The following GEN1 variants were observed in gnomAD, a reference collection of about 807,000 sequenced individuals.
GEN1 encodes flap endonuclease GEN homolog 1.
Under a neutral mutation model 67.6 loss-of-function variants are expected in GEN1, and 64 were observed. The ratio of observed to expected loss-of-function variants is 0.95; its 90% CI spans 0.77 to 1.17. The LOEUF (loss-of-function observed/expected upper bound fraction) is 1.17. GEN1 is among the 50% of genes most tolerant of loss of function. The pLI, the probability that GEN1 is intolerant of heterozygous loss-of-function variation, is 0.00. For synonymous variants in GEN1, 371 were observed against 359.4 expected (o/e 1.03, Z -0.37); for missense variants, 1,058 against 1,048.3 (o/e 1.01, Z -0.13).
At chr2:17,754,506 C>A (rs549948791) in intron 1 of GEN1, 161 bp downstream of exon 1, 1 of 152,318 alleles carries the variant, frequency 6.6e-6, no homozygotes, top group Admixed American at 6.5e-5. Flanking sequence ...AGCCGCCAGG[C>A]CGCGACTTGG....
chr2:17,774,596 A>G lies in GEN1; in HGVS notation c.1202+195A>G, dbSNP rs145421265. The G allele has an allele frequency of 5.3e-3, 1,484 of 282,032 alleles. 5 individuals are homozygous for G. Among genetic ancestry groups the G allele is most frequent in the Non-Finnish European group, 8.2e-3 (1,205 of 146,904 alleles). 17.5% of individuals were successfully genotyped at this position (282,032 alleles called of 1,614,324 possible). A position where few individuals can be genotyped will look rare whatever the true frequency, so the allele number is the denominator to read the frequency against. Reference sequence around the variant, plus strand: ...TATCATACTTTTCTACTTCAAACACATAGTAATAATAGATTATAAAAAGAA... The same window carrying G: ...TATCATACTTTTCTACTTCAAACACGTAGTAATAATAGATTATAAAAAGAA... On this transcript the variant is annotated intron_variant, in intron 11 of 13. Coordinates refer to ENST00000381254, the MANE Select transcript of GEN1 (RefSeq NM_001130009.3).
In GEN1 at chr2:17,781,190, C is replaced by T. The variant is rs969535511; in HGVS notation, c.1978C>T (p.Leu660=). ...TGATGGGATTAGTCCTGAAGAGCAT[C>T]TACTTTCTGGCATTACTGATTTATG... The part of the protein sequence containing the change: ...DSDGISPEEH[L]LSGITDLCLQ... The change falls in exon 14 of 14, where the codon CTA becomes TTA. Residue 660 remains leucine (L), a synonymous_variant. Coordinates refer to ENST00000381254, the MANE Select transcript of GEN1 (RefSeq NM_001130009.3). 6 of 1,613,686 alleles carry T rather than the reference C, an allele frequency of 3.7e-6. No individual in the cohort carries two copies. In the African/African-American group the frequency reaches 8.0e-5, roughly 22 times the overall value.
chr2:17,773,032 A>T, intron 8 of GEN1, 64 bp from the exon 9 acceptor site: 1 of 1,051,250 alleles, frequency 9.5e-7, no homozygotes, highest in Non-Finnish European at 1.4e-6. Flanking sequence ...AGATTGGCTG[A>T]GATGATTTCA....
At chr2:17,777,632 C>T (rs978669022) in intron 11 of GEN1, among the ~76,000 whole-genome samples, 2 of 152,044 alleles carry the variant, frequency 1.3e-5, no homozygotes, top group Non-Finnish European at 2.9e-5. Context: ...CAGCAATATT[C>T]AGCTTACAAG....
chr2:17,759,690 C>T (rs577253791), intron 1 of GEN1, among the ~76,000 whole-genome samples: 8 of 152,090 alleles, frequency 5.3e-5, no homozygotes, highest in South Asian at 2.1e-4. Context: ...TTACAGCATC[C>T]TTGCATTCGC....
rs1379797712 is a variant in GEN1, at chr2:17,784,985, A to G, written c.*3046A>G. Reference sequence around the variant, plus strand: ...GTTGAGCGGCATGCAAGCGAGAATTACCGCCTGAGCTCTGCCTCCTGTCAG... The same window carrying G: ...GTTGAGCGGCATGCAAGCGAGAATTGCCGCCTGAGCTCTGCCTCCTGTCAG... On this transcript the variant is annotated 3_prime_UTR_variant, in exon 14 of 14. Coordinates refer to ENST00000381254, the MANE Select transcript of GEN1 (RefSeq NM_001130009.3). 6.6e-6 allele frequency: 1 copy of G among 152,274 alleles called. No homozygotes were observed. The highest frequency in any genetic ancestry group is 1.5e-5 in the Non-Finnish European group (1 of 68,130). 9.4% of individuals were successfully genotyped at this position (152,274 alleles called of 1,614,324 possible). A position where few individuals can be genotyped will look rare whatever the true frequency, so the allele number is the denominator to read the frequency against.
chr2:17,773,254 G>T lies in GEN1; in HGVS notation c.1026G>T (p.Leu342Phe). ...IQEFLLNKDK[L>F]VKVIRYQRPD... ...AATTCCTTTTAAACAAGGATAAATT[G>T]GTGAAGGTTATCAGGTACCAAAGAC... The change falls in exon 10 of 14, where the codon TTG becomes TTT. Residue 342 changes from leucine to phenylalanine, a missense_variant. Leu to Phe is a conservative substitution (Grantham distance 22). Coordinates refer to ENST00000381254, the MANE Select transcript of GEN1 (RefSeq NM_001130009.3). 6.2e-7 allele frequency: 1 copy of T among 1,602,122 alleles called. No individual in the cohort carries two copies. The highest frequency in any genetic ancestry group is 2.0e-4 in the Middle Eastern group (1 of 4,926).
chr2:17,757,608 C>T (rs927154334), intron 1 of GEN1, among the ~76,000 whole-genome samples: 6 of 152,092 alleles, frequency 3.9e-5, no homozygotes, highest in African/African-American at 1.4e-4. Flanking sequence ...AATATGTGCC[C>T]TGGCCAACTC....
Position 17,768,928 on chromosome 2 carries a change from C to T in GEN1, c.710+117C>T, listed in dbSNP as rs147921689. Reference sequence around the variant, plus strand: ...AAGGGTTTTGTATTTTTAAACTGACCTATATTTTGTTTGATTTAAGATAAT... The same window carrying T: ...AAGGGTTTTGTATTTTTAAACTGACTTATATTTTGTTTGATTTAAGATAAT... On this transcript the variant is annotated intron_variant, in intron 6 of 13. Transcript: ENST00000381254. 878 of 526,554 alleles carry T rather than the reference C, an allele frequency of 1.7e-3. 9 individuals carry two copies. Among genetic ancestry groups the T allele is most frequent in the African/African-American group, 0.016 (788 of 50,400 alleles). The allele number at this position is 526,554 out of a possible 1,614,324, so 32.6% of individuals were successfully genotyped here.
Position 17,781,885 on chromosome 2 carries a change from G to C in GEN1, c.2673G>C (p.Leu891Phe), listed in dbSNP as rs1315131576. The C allele has an allele frequency of 1.3e-6, 2 of 1,587,896 alleles. No homozygotes were observed. Among genetic ancestry groups the C allele is most frequent in the Non-Finnish European group, 8.5e-7 (1 of 1,172,704 alleles). ...AAGAAAACAACTCTGGTACTTGTTT[G>C]GATAGCCCTCTTCCTTTACGCCAGA... ...HKKENNSGTCLDSPLPLRQRL... is the reference protein window; with the variant it reads ...HKKENNSGTCFDSPLPLRQRL... The change falls in exon 14 of 14, where the codon TTG becomes TTC. Residue 891 changes from leucine to phenylalanine, a missense_variant. Physicochemically the swap from Leu to Phe is conservative, Grantham distance 22. Transcript: ENST00000381254.
At chr2:17,775,780 A>G (rs917858151) in intron 11 of GEN1, among the ~76,000 whole-genome samples, 4 of 152,234 alleles carry the variant, frequency 2.6e-5, no homozygotes, top group Non-Finnish European at 5.9e-5. Flanking sequence ...CTGCTTTCAT[A>G]TGCTTTCTAA....
intron 5 of GEN1, among the ~76,000 whole-genome samples, 171 bp from the exon 6 acceptor site, chr2:17,768,567 T>C (rs1430158731): frequency 6.6e-6 from 1 of 152,200 alleles, no homozygotes. Flanking sequence ...TCATATACAC[T>C]ATTGTGAAGT....
At chr2:17,775,372 T>TA (rs1672379642) in intron 11 of GEN1, among the ~76,000 whole-genome samples, 1 of 152,192 alleles carries the variant, frequency 6.6e-6, no homozygotes, top group African/African-American at 2.4e-5. Context: ...GACTCTCATA[T>TA]AAAAAATGCT....
intron 4 of GEN1, among the ~76,000 whole-genome samples, chr2:17,765,386 C>T (rs986435060): frequency 6.6e-6 from 1 of 152,208 alleles, no homozygotes; most frequent in African/African-American, 2.4e-5. Context: ...GTTTCATCCT[C>T]AGAAATACCT....
In GEN1 at chr2:17,786,698, G is replaced by C. The variant is rs1363479730; in HGVS notation, c.*4759G>C. 1 of 151,848 alleles carries C rather than the reference G, an allele frequency of 6.6e-6. No individual in the cohort carries two copies. The allele number at this position is 151,848 out of a possible 1,614,324, so 9.4% of individuals were successfully genotyped here. ...TTCTTGACTCAAATATCACCTCAGA[G>C]AGTCCTAATCTTTTTATCTCCTGAC... is the stretch of plus-strand genomic sequence containing the variant. On this transcript the variant is annotated 3_prime_UTR_variant, in exon 14 of 14. Transcript: ENST00000381254.
At chr2:17,774,695 A>T (rs1672346625) in intron 11 of GEN1, among the ~76,000 whole-genome samples, 1 of 152,288 alleles carries the variant, frequency 6.6e-6, no homozygotes, top group Non-Finnish European at 1.5e-5. Context: ...CAAACGTGTT[A>T]AGGGAATGTG....
intron 11 of GEN1, among the ~76,000 whole-genome samples, chr2:17,775,703 A>G (rs1490689334): frequency 6.6e-6 from 1 of 152,248 alleles, no homozygotes; most frequent in Non-Finnish European, 1.5e-5. Context: ...TGGTATCTTC[A>G]AAAGTGGAGA....
In GEN1 at chr2:17,787,288, TA is replaced by T; in HGVS notation, c.*5350del. On this transcript the variant is annotated 3_prime_UTR_variant, in exon 14 of 14. Coordinates refer to ENST00000381254, the MANE Select transcript of GEN1 (RefSeq NM_001130009.3). ...GCCGTGTAGGAGGCACAATATTCCT[TA>T]CTTAAAAATGCCTCTATCTCTCCCT... 6.6e-6 allele frequency: 1 copy of T among 152,304 alleles called. No homozygotes were observed. Among genetic ancestry groups the T allele is most frequent in the Admixed American group, 6.5e-5 (1 of 15,292 alleles). 9.4% of individuals were successfully genotyped at this position (152,304 alleles called of 1,614,324 possible).
intron 12 of GEN1, among the ~76,000 whole-genome samples, chr2:17,778,287 CACATGTGTGTGTACAT>C (rs1672593356): frequency 7.9e-6 from 1 of 127,002 alleles, no homozygotes; most frequent in African/African-American, 3.3e-5. Flanking sequence ...TATATACACA[CACATGTGTGTGTACAT>C]ATATGTATAT....
Sources: gnomAD v4.1 joint callset for allele counts (sites outside exome capture counted in the v4.1 genomes callset) on GRCh38, gnomAD v4.1.1 for gene constraint, MANE v1.5 for transcripts, NCBI Gene and HGNC (gene_info 2026-07-23, HGNC 2026-07-21) for gene names.